STKLD1: variants seen among roughly 807,000 people sequenced by gnomAD.
STKLD1 encodes the protein serine/threonine kinase like domain containing 1.
A neutral mutation model predicts 80.4 loss-of-function variants in STKLD1; 79 were observed. The observed-to-expected ratio is 0.98, with a 90% CI of 0.82 to 1.19. The LOEUF is 1.19. Among genes scored for constraint, STKLD1 ranks in the 50% most tolerant of loss-of-function variants. The pLI, the probability that STKLD1 is intolerant of heterozygous loss-of-function variation, is 0.00. For missense variants in STKLD1, 841 were observed against 856.0 expected, an observed-to-expected ratio of 0.98 and a Z score of 0.22; for synonymous variants, 393 against 357.6, an observed-to-expected ratio of 1.10 and a Z score of -1.12.
Position 133,394,358 on chromosome 9 carries a change from C to A in STKLD1, c.651C>A (p.Ile217=). The A allele has an allele frequency of 6.2e-7, 1 of 1,613,950 alleles. No homozygotes were observed. The highest frequency in any genetic ancestry group is 1.1e-5 in the South Asian group (1 of 91,076). Residue 217 remains isoleucine (I), a synonymous_variant, in exon 8 of 18, where the codon ATC becomes ATA. Coordinates refer to ENST00000371957, the MANE Select transcript of STKLD1 (RefSeq NM_153710.5). This position sits in a 1 kb window ranked among gnomAD's most constrained non-coding sequence, Gnocchi z 4.9. ...TCTCCTTCAGCCAGAAATCAGACAT[C>A]TGGTCCCTGGGCTGCATCATTCTGG... ...LNFSFSQKSD[I]WSLGCIILDM...
At position 133,398,119 on chromosome 9, in the gene STKLD1, T is replaced by C; in HGVS notation, c.1081+64T>C. ...TAGGGGCAGAAGCTATGGTCCGGCC[T>C]GTGGGGAGCTGAGGCTGGCCCTCAC... is the stretch of plus-strand genomic sequence containing the variant. On this transcript the variant is annotated intron_variant, in intron 11 of 17. Transcript: ENST00000371957. 4.6e-6 allele frequency: 7 copies of C among 1,508,466 alleles called. No homozygotes were observed. In the South Asian group the frequency reaches 4.6e-5, roughly 10 times the overall value. The allele number at this position is 1,508,466 out of a possible 1,614,324, so 93.4% of individuals were successfully genotyped here.
At position 133,376,543 on chromosome 9, in the gene STKLD1, C is replaced by G; in HGVS notation, c.70C>G (p.Pro24Ala). The change falls in exon 1 of 18, where the codon CCC (proline) becomes GCC (alanine). Residue 24 changes from proline to alanine, a missense_variant. Coordinates refer to ENST00000371957, the MANE Select transcript of STKLD1 (RefSeq NM_153710.5). ...GERGPGSPGE[P>A]MEKYQVLYQL... ...GCGAGGCCCAGGGTCCCCCGGAGAG[C>G]CCATGGAGAAGTACCAGGTGCCGAG... The G allele has an allele frequency of 6.3e-7, 1 of 1,598,798 alleles. No homozygotes were observed. The highest frequency in any genetic ancestry group is 8.5e-7 in the Non-Finnish European group (1 of 1,174,558).
rs1026256613 is a variant in STKLD1, at chr9:133,390,995, G to C, written c.583+199G>C. On this transcript the variant is annotated intron_variant, in intron 7 of 17. Transcript: ENST00000371957. This position sits in a 1 kb window ranked among gnomAD's most constrained non-coding sequence, Gnocchi z 5.1. Reference sequence around the variant, plus strand: ...GAGCAGGCGTGCCACCACCAGGGCAGAGGCAGGGCCCCACAGACACCCAAC... The same window carrying C: ...GAGCAGGCGTGCCACCACCAGGGCACAGGCAGGGCCCCACAGACACCCAAC... 1.4e-4 allele frequency among the ~76,000 whole-genome samples: 21 copies of C among 152,270 alleles called. 2 individuals carry two copies. The South Asian group carries it at 4.1e-3, about 30-fold the overall frequency.
chr9:133,395,677 G>A lies in STKLD1; in HGVS notation c.780G>A (p.Glu260=), dbSNP rs1838540962. Residue 260 remains glutamate, a synonymous_variant, in exon 9 of 18, where the codon GAG becomes GAA. Transcript: ENST00000371957. The stretch of plus-strand genomic sequence containing the variant: ...TGAAGGCCGTCCTGAAGACAATGGA[G>A]GAGAAGCAGATCCCGGATGTGGAAA... ...GSLKAVLKTM[E]EKQIPDVETF... is the part of the protein sequence containing the mutation. The A allele has an allele frequency of 1.9e-6, 3 of 1,613,442 alleles. No individual in the cohort carries two copies. Among genetic ancestry groups the A allele is most frequent in the Non-Finnish European group, 2.5e-6 (3 of 1,180,018 alleles).
At chr9:133,401,714 G>C (rs1166998803) in intron 12 of STKLD1, 24 bp from the exon 13 acceptor site, 1 of 1,605,062 alleles carries the variant, frequency 6.2e-7, no homozygotes, top group Non-Finnish European at 8.5e-7. Context: ...GCTAACCCCA[G>C]GCGTCTTCCT....
chr9:133,392,515 ATAGG>A (rs1472128349), intron 7 of STKLD1, among the ~76,000 whole-genome samples: 7 of 141,476 alleles, frequency 4.9e-5, no homozygotes, highest in South Asian at 2.3e-4. Context: ...AGATGGATGA[ATAGG>A]TGGGTGGGTG....
rs951614125 is a variant in STKLD1 at position 133,402,884 on chromosome 9, A to G, written c.1346A>G (p.Glu449Gly). The change falls in exon 14 of 18, where the codon GAG becomes GGG. Residue 449 changes from glutamate to glycine, a missense_variant. By Grantham distance (98) the Glu-to-Gly change is moderately conservative. Transcript: ENST00000371957. ...CATTCTGGCTCACCCACAGAGTCAGAGTCACTGTCAGAGGAGCTGCAGAAT... is the reference window on the plus strand; with the variant it reads ...CATTCTGGCTCACCCACAGAGTCAGGGTCACTGTCAGAGGAGCTGCAGAAT... ...LLAITTTQES[E>G]SLSEELQNAG... The G allele has an allele frequency of 3.1e-6, 5 of 1,595,780 alleles. No individual in the cohort carries two copies. In the African/African-American group the frequency reaches 5.4e-5, roughly 17 times the overall value.
In STKLD1 at chr9:133,390,674, G is replaced by A; in HGVS notation, c.468-7G>A. The A allele has an allele frequency of 1.2e-6, 2 of 1,612,440 alleles. No homozygotes were observed. The highest frequency in any genetic ancestry group is 1.7e-6 in the Non-Finnish European group (2 of 1,179,134). On this transcript the variant is annotated splice_polypyrimidine_tract_variant and splice_region_variant and intron_variant, in intron 6 of 17. Coordinates refer to ENST00000371957, the MANE Select transcript of STKLD1 (RefSeq NM_153710.5). This position sits in a 1 kb window ranked among gnomAD's most constrained non-coding sequence, Gnocchi z 5.1. The stretch of plus-strand genomic sequence containing the variant: ...CATCCAGAGGCAAACCCACCTCTTG[G>A]TTTCAGGAATCTCAAACCCTCCAAC...
intron 5 of STKLD1, chr9:133,387,957 G>C (rs1340632517): frequency 2.4e-6 from 1 of 419,508 alleles, no homozygotes; most frequent in Non-Finnish European, 4.8e-6. Context: ...TTCATTGCTT[G>C]CTGCCACTCT....
chr9:133,403,280 C>T (rs1213658674), intron 14 of STKLD1, among the ~76,000 whole-genome samples: 1 of 152,230 alleles, frequency 6.6e-6, no homozygotes, highest in African/African-American at 2.4e-5. Flanking sequence ...GTTTTAAGTG[C>T]CTCCTGCCCA....
chr9:133,397,978 T>A lies in STKLD1; in HGVS notation c.1004T>A (p.Met335Lys), dbSNP rs781883892. The A allele has an allele frequency of 1.9e-6, 3 of 1,613,460 alleles. No individual in the cohort carries two copies. Among genetic ancestry groups the A allele is most frequent in the Non-Finnish European group, 2.5e-6 (3 of 1,179,828 alleles). The stretch of plus-strand genomic sequence containing the variant: ...TGCCTTCCTGTCCCTGCAGAGGTCA[T>A]GCAGAAATTCTCTGGCTGGCCCGAA... ...EGNVASILEVMQKFSGWPEVQ... is the reference protein window; with the variant it reads ...EGNVASILEVKQKFSGWPEVQ... Residue 335 changes from methionine (M) to lysine (K), a missense_variant, in exon 11 of 18, where the codon ATG becomes AAG. Coordinates refer to ENST00000371957, the MANE Select transcript of STKLD1 (RefSeq NM_153710.5).
Position 133,390,199 on chromosome 9 carries a change from ACACACAC to A in STKLD1, c.468-481_468-475del. On this transcript the variant is annotated intron_variant, in intron 6 of 17. Coordinates refer to ENST00000371957, the MANE Select transcript of STKLD1 (RefSeq NM_153710.5). The surrounding 1 kb of genome is among the most constrained non-coding windows in gnomAD (Gnocchi z 5.1). Reference sequence around the variant, plus strand: ...CCTGGGCAACCCTGACTTAAAACACACACACACACACACACACACACACACACACACA... The same window carrying A: ...CCTGGGCAACCCTGACTTAAAACACAACACACACACACACACACACACACA... Among the ~76,000 whole-genome samples the A allele has an allele frequency of 1.1e-3, 1 of 900 alleles. No homozygotes were observed. Among genetic ancestry groups the A allele is most frequent in the Non-Finnish European group, 9.6e-3 (1 of 104 alleles). 0.6% of individuals were successfully genotyped at this position (900 alleles called of 152,430 possible). A position where few individuals can be genotyped will look rare whatever the true frequency, so the allele number is the denominator to read the frequency against.
chr9:133,383,557 T>C (rs1838201102), intron 2 of STKLD1, among the ~76,000 whole-genome samples: 1 of 16,524 alleles, frequency 6.1e-5, no homozygotes, highest in African/African-American at 1.8e-4. Flanking sequence ...AAGGTGGTAA[T>C]GATGATGTTA....
At chr9:133,392,599 A>AGGGG (rs1554775998) in intron 7 of STKLD1, among the ~76,000 whole-genome samples, 1 of 41,726 alleles carries the variant, frequency 2.4e-5, no homozygotes. Flanking sequence ...GGATGGATGG[A>AGGGG]TGGGTGGATG....
In STKLD1 at chr9:133,384,969, T is replaced by C. The variant is rs1455652925; in HGVS notation, c.220-648T>C. 1.3e-5 allele frequency among the ~76,000 whole-genome samples: 2 copies of C among 152,150 alleles called. No homozygotes were observed. The highest frequency in any genetic ancestry group is 4.8e-5 in the African/African-American group (2 of 41,438). ...TGGCCAGCAAACATTATTGGGTGTA[T>C]AGTGTGACCGAAGCACAGTGGTGGG... On this transcript the variant is annotated intron_variant, in intron 3 of 17. Coordinates refer to ENST00000371957, the MANE Select transcript of STKLD1 (RefSeq NM_153710.5). This position sits in a 1 kb window ranked among gnomAD's most constrained non-coding sequence, Gnocchi z 4.3.
rs2130272645 is a variant in STKLD1, at chr9:133,384,442, A to G, written c.219+542A>G. Reference sequence around the variant, plus strand: ...GGGTGACAGAGCAAAACTTTGTCTCAAAAATAAATAAATATTGGCCGGGTC... The same window carrying G: ...GGGTGACAGAGCAAAACTTTGTCTCGAAAATAAATAAATATTGGCCGGGTC... On this transcript the variant is annotated intron_variant, in intron 3 of 17. Coordinates refer to ENST00000371957, the MANE Select transcript of STKLD1 (RefSeq NM_153710.5). The surrounding 1 kb of genome is among the most constrained non-coding windows in gnomAD (Gnocchi z 4.3). 9.8e-4 allele frequency: 149 copies of G among 152,582 alleles called. 1 individual carries two copies. Among genetic ancestry groups the G allele is most frequent in the Non-Finnish European group, 1.8e-3 (123 of 68,232 alleles). The allele number at this position is 152,582 out of a possible 1,614,324, so 9.5% of individuals were successfully genotyped here.
In STKLD1 at chr9:133,384,030, T is replaced by G. The variant is rs1055500280; in HGVS notation, c.219+130T>G. 5.6e-6 allele frequency: 5 copies of G among 887,706 alleles called. No homozygotes were observed. The highest frequency in any genetic ancestry group is 4.9e-5 in the African/African-American group (3 of 60,868). 55.0% of individuals were successfully genotyped at this position (887,706 alleles called of 1,614,324 possible). The stretch of plus-strand genomic sequence containing the variant: ...GAGGGATAGAGCATCAGCACCAGTT[T>G]TGCCTCAGCTGTGAAGCCAGCAGCC... On this transcript the variant is annotated intron_variant, in intron 3 of 17. Transcript: ENST00000371957. This position sits in a 1 kb window ranked among gnomAD's most constrained non-coding sequence, Gnocchi z 4.3.
In STKLD1 at chr9:133,385,039, G is replaced by C. The variant is rs2119214153; in HGVS notation, c.220-578G>C. On this transcript the variant is annotated intron_variant, in intron 3 of 17. Coordinates refer to ENST00000371957, the MANE Select transcript of STKLD1 (RefSeq NM_153710.5). The surrounding 1 kb of genome is among the most constrained non-coding windows in gnomAD (Gnocchi z 4.9). The stretch of plus-strand genomic sequence containing the variant: ...AATGGGAAGAAAGAGCATGGGGCCT[G>C]CCCAGAGCCGCACGCCGCCGTGGCT... Among the ~76,000 whole-genome samples the C allele has an allele frequency of 6.6e-6, 1 of 152,290 alleles. No individual in the cohort carries two copies. The highest frequency in any genetic ancestry group is 6.5e-5 in the Admixed American group (1 of 15,294).
rs35031853 is a variant in STKLD1 at position 133,381,131 on chromosome 9, C to CTTTTTTT, written c.174+2027_174+2033dup. 6.8e-4 allele frequency among the ~76,000 whole-genome samples: 47 copies of CTTTTTTT among 69,152 alleles called. 1 individual carries two copies. The highest frequency in any genetic ancestry group is 9.1e-4 in the Admixed American group (5 of 5,466). 45.4% of individuals were successfully genotyped at this position (69,152 alleles called of 152,430 possible). A position where few individuals can be genotyped will look rare whatever the true frequency, so the allele number is the denominator to read the frequency against. On this transcript the variant is annotated intron_variant, in intron 2 of 17. Transcript: ENST00000371957. ...GAGATTTCTGGGTCATACGATGTAA[C>CTTTTTTT]TTTTTTTTTTTTTTTTTTTTTTTTG...
Sources: allele counts gnomAD v4.1 joint callset (sites outside exome capture counted in the v4.1 genomes callset), GRCh38; gene constraint gnomAD v4.1.1; non-coding constraint Gnocchi (gnomAD v3.1); transcripts MANE v1.5; gene names NCBI Gene and HGNC (gene_info 2026-07-23, HGNC 2026-07-21).